Variants in NUDT9 observed in about 807,000 individuals in gnomAD.
The protein encoded by NUDT9 is nudix hydrolase 9.
Under a neutral mutation model 41.0 loss-of-function variants are expected in NUDT9, and 31 were observed. That is an observed-to-expected ratio of 0.76 (90% CI 0.57 to 1.02). NUDT9 has a LOEUF of 1.02. Among genes scored for constraint, NUDT9 ranks in the 50% least tolerant of loss-of-function variants. The pLI, the probability that NUDT9 is intolerant of heterozygous loss-of-function variation, is 0.00. For missense variants in NUDT9, 380 were observed against 431.4 expected (o/e 0.88, Z 1.06); for synonymous variants, 146 against 147.6 (o/e 0.99, Z 0.08).
intron 1 of NUDT9, among the ~76,000 whole-genome samples, chr4:87,427,313 G>A (rs570195880): frequency 6.6e-6 from 1 of 152,180 alleles, no homozygotes; most frequent in African/African-American, 2.4e-5. Flanking sequence ...TTAAAAGTTT[G>A]CCAGTCTTAA....
intron 3 of NUDT9, among the ~76,000 whole-genome samples, chr4:87,441,263 T>C (rs1396438516): frequency 2.6e-5 from 4 of 152,224 alleles, no homozygotes; most frequent in Admixed American, 2.6e-4. Context: ...TTTTTAACAC[T>C]GGATTGTGGC....
At chr4:87,444,439 C>G (rs979634618) in intron 4 of NUDT9, among the ~76,000 whole-genome samples, 4 of 152,152 alleles carry the variant, frequency 2.6e-5, no homozygotes, top group Admixed American at 1.3e-4. Context: ...CATCCACTTA[C>G]TCACCCATTC....
At chr4:87,440,710 G>T (rs1023000672) in intron 3 of NUDT9, among the ~76,000 whole-genome samples, 3 of 152,218 alleles carry the variant, frequency 2.0e-5, no homozygotes, top group East Asian at 1.9e-4. Flanking sequence ...GCTGGGCGTG[G>T]TGGTGCATGC....
intron 4 of NUDT9, among the ~76,000 whole-genome samples, chr4:87,448,654 A>AT (rs1272918331): frequency 6.6e-6 from 1 of 151,720 alleles, no homozygotes; most frequent in African/African-American, 2.4e-5. Context: ...CTAATTTTTT[A>AT]TTTTTTGTAG....
chr4:87,439,450 G>A (rs139864982), intron 3 of NUDT9, among the ~76,000 whole-genome samples: 2,713 of 152,258 alleles, frequency 0.018, 30 homozygotes, highest in Middle Eastern at 0.037. Flanking sequence ...GAGATCAGGA[G>A]TTGAAGACCA....
chr4:87,454,964 A>G (rs1032965532), intron 7 of NUDT9, among the ~76,000 whole-genome samples: 2 of 152,236 alleles, frequency 1.3e-5, no homozygotes, highest in Non-Finnish European at 2.9e-5. Flanking sequence ...TTTTATGAGG[A>G]GGGTCAAACC....
chr4:87,435,079 C>T lies in NUDT9; in HGVS notation c.206C>T (p.Pro69Leu). ...TCTCACAATAAGGCTCGGACGTCTC[C>T]TTACCCAGGTTCAAAAGTTGAACGA... ...ENSHNKARTS[P>L]YPGSKVERSQ... The change falls in exon 2 of 8, where the codon CCT becomes CTT. Residue 69 changes from proline (P) to leucine (L), a missense_variant. Physicochemically the swap from Pro to Leu is moderately conservative, Grantham distance 98. Transcript: ENST00000302174. 6.2e-7 allele frequency: 1 copy of T among 1,614,162 alleles called. No individual in the cohort carries two copies. Among genetic ancestry groups the T allele is most frequent in the Non-Finnish European group, 8.5e-7 (1 of 1,180,042 alleles).
intron 3 of NUDT9, among the ~76,000 whole-genome samples, chr4:87,441,618 T>C (rs1269391159): frequency 2.0e-5 from 3 of 152,110 alleles, no homozygotes; most frequent in Non-Finnish European, 4.4e-5. Flanking sequence ...TCTTTCTGGA[T>C]CAAGTTTAAA....
chr4:87,436,085 C>G (rs1482931953), intron 2 of NUDT9, among the ~76,000 whole-genome samples: 1 of 152,156 alleles, frequency 6.6e-6, no homozygotes, highest in African/African-American at 2.4e-5. Flanking sequence ...CCTTGAACTC[C>G]TGGGCTCAGG....
At chr4:87,437,801 A>T (rs545961418) in intron 2 of NUDT9, among the ~76,000 whole-genome samples, 1 of 152,194 alleles carries the variant, frequency 6.6e-6, no homozygotes, top group South Asian at 2.1e-4. Context: ...TTGTGGGGCA[A>T]ATTCACTGCT....
chr4:87,457,618 T>A (rs1287014430), intron 7 of NUDT9, among the ~76,000 whole-genome samples: 1 of 152,226 alleles, frequency 6.6e-6, no homozygotes, highest in African/African-American at 2.4e-5. Flanking sequence ...TTTGTGTTTA[T>A]CTAAAATTTA....
chr4:87,452,911 A>G (rs532126273), intron 6 of NUDT9, among the ~76,000 whole-genome samples: 1 of 147,334 alleles, frequency 6.8e-6, no homozygotes, highest in East Asian at 2.0e-4. Flanking sequence ...TCCCAGGTTC[A>G]AGTGATTCTC....
At chr4:87,424,422 A>AT (rs1016938848) in intron 1 of NUDT9, among the ~76,000 whole-genome samples, 15 of 151,700 alleles carry the variant, frequency 9.9e-5, no homozygotes, top group Non-Finnish European at 1.9e-4. Context: ...CGCCCGGCTA[A>AT]TTTTTTTTGT....
chr4:87,426,463 G>A (rs1721425912), intron 1 of NUDT9, among the ~76,000 whole-genome samples: 1 of 151,406 alleles, frequency 6.6e-6, no homozygotes, highest in East Asian at 2.0e-4. Context: ...CAGCTGGTGT[G>A]CAGTGGTGTA....
intron 5 of NUDT9, among the ~76,000 whole-genome samples, chr4:87,450,752 A>T (rs773806027): frequency 6.6e-6 from 1 of 152,226 alleles, no homozygotes; most frequent in East Asian, 1.9e-4. Flanking sequence ...TAATGATTTC[A>T]TCATAGAATC....
intron 5 of NUDT9, among the ~76,000 whole-genome samples, chr4:87,450,291 G>GT (rs1225456979): frequency 2.7e-5 from 4 of 150,478 alleles, no homozygotes; most frequent in South Asian, 4.2e-4. Context: ...CTGCAAGAAT[G>GT]TTTTTTTCTG....
rs538736338 is a variant in NUDT9 at position 87,436,016 on chromosome 4, T to C, written c.347+796T>C. 4.0e-3 allele frequency among the ~76,000 whole-genome samples: 532 copies of C among 133,542 alleles called. 1 individual carries two copies. Among genetic ancestry groups the C allele is most frequent in the Non-Finnish European group, 7.3e-3 (416 of 57,128 alleles). The allele number at this position is 133,542 out of a possible 152,430, so 87.6% of individuals were successfully genotyped here. ...GTATTATTACTATTTTTGAGACTGG[T>C]GCTCTCTCTCTCTGTCACCCAGGCT... On this transcript the variant is annotated intron_variant, in intron 2 of 7. Transcript: ENST00000302174.
intron 1 of NUDT9, among the ~76,000 whole-genome samples, chr4:87,423,328 CATTATT>C (rs1721236830): frequency 1.3e-5 from 2 of 152,176 alleles, no homozygotes; most frequent in South Asian, 4.1e-4. Context: ...ATACTTAAAA[CATTATT>C]ATTAGTATTA....
rs1235611070 is a variant in NUDT9, at chr4:87,438,310, G to A, written c.381G>A (p.Lys127=). 12 of 1,610,826 alleles carry A rather than the reference G, an allele frequency of 7.4e-6. No individual in the cohort carries two copies. Among genetic ancestry groups the A allele is most frequent in the Non-Finnish European group, 1.0e-5 (12 of 1,177,524 alleles). ...ATTTTTCTCCCAAGTTTAACGAAAA[G>A]GATGGGCATGTTGAGAGAAAGAGCA... is the stretch of plus-strand genomic sequence containing the variant. The part of the protein sequence containing the change: ...ESNFSPKFNE[K]DGHVERKSKN... The change falls in exon 3 of 8, where the codon AAG becomes AAA. Residue 127 remains lysine, a synonymous_variant. Transcript: ENST00000302174.
Sources: gnomAD v4.1 joint callset for allele counts (sites outside exome capture counted in the v4.1 genomes callset) on GRCh38, gnomAD v4.1.1 for gene constraint, MANE v1.5 for transcripts, NCBI Gene and HGNC (gene_info 2026-07-23, HGNC 2026-07-21) for gene names.